SNX6: variants seen among roughly 807,000 people sequenced by gnomAD.
The protein encoded by SNX6 is sorting nexin 6.
In SNX6, 34 loss-of-function variants were observed where a neutral mutation model predicts 63.0. The ratio of observed to expected loss-of-function variants is 0.54; its 90% CI spans 0.41 to 0.72. The LOEUF is 0.72. SNX6 is among the 30% of genes least tolerant of loss of function. The pLI is 0.00. For missense variants in SNX6, 398 were observed against 471.4 expected (o/e 0.84, Z 1.44); for synonymous variants, 170 against 164.2 (o/e 1.04, Z -0.27).
intron 11 of SNX6, chr14:34,568,642 T>TC: frequency 1.3e-6 from 1 of 767,600 alleles, no homozygotes; most frequent in Non-Finnish European, 2.2e-6. Context: ...CTGTTTTTTT[T>TC]TTTTTTTTAA....
intron 13 of SNX6, among the ~76,000 whole-genome samples, chr14:34,565,908 C>T (rs766419140): frequency 3.3e-5 from 5 of 151,936 alleles, no homozygotes; most frequent in African/African-American, 1.2e-4. Context: ...CCAGGATGGC[C>T]TCGATCTCCT....
At chr14:34,606,453 C>CT (rs56390466) in intron 4 of SNX6, among the ~76,000 whole-genome samples, 111,941 of 141,622 alleles carry the variant, frequency 0.79, 44,228 homozygotes, top group Non-Finnish European at 0.84. Flanking sequence ...TCCAACTCTT[C>CT]TTTTTTTTTT....
At chr14:34,595,837 T>C (rs760407751) in intron 7 of SNX6, among the ~76,000 whole-genome samples, 2 of 152,212 alleles carry the variant, frequency 1.3e-5, no homozygotes, top group Non-Finnish European at 2.9e-5. Flanking sequence ...ATTTGCTTGA[T>C]AATATAAACA....
Position 34,603,486 on chromosome 14 carries a change from C to T in SNX6, c.393-15G>A. 1.3e-6 allele frequency: 2 copies of T among 1,557,434 alleles called. No homozygotes were observed. Among genetic ancestry groups the T allele is most frequent in the South Asian group, 2.5e-5 (2 of 80,484 alleles). ...CCAAATATTCACTAGAAACAATATA[C>T]AAAATTAAAGGTAAAAAACTCCATC... On this transcript the variant is annotated splice_polypyrimidine_tract_variant and intron_variant, in intron 5 of 13. Coordinates refer to ENST00000362031, the MANE Select transcript of SNX6 (RefSeq NM_152233.4).
At chr14:34,580,222 C>A (rs1881881350) in intron 10 of SNX6, among the ~76,000 whole-genome samples, 1 of 152,106 alleles carries the variant, frequency 6.6e-6, no homozygotes, top group Non-Finnish European at 1.5e-5. Flanking sequence ...AAACAAAAAA[C>A]CCAAATCTCA....
intron 5 of SNX6, 72 bp downstream of exon 5, chr14:34,605,524 T>C: frequency 7.4e-7 from 1 of 1,344,048 alleles, no homozygotes; most frequent in South Asian, 1.5e-5. Flanking sequence ...AAAAAAGGCA[T>C]TAAAGCAAGC....
chr14:34,570,178 C>T (rs1881380641), intron 11 of SNX6, among the ~76,000 whole-genome samples: 1 of 151,870 alleles, frequency 6.6e-6, no homozygotes, highest in South Asian at 2.1e-4. Context: ...AAGCAATTCT[C>T]CTGCCTCAGC....
At chr14:34,569,877 T>C (rs112866419) in intron 11 of SNX6, among the ~76,000 whole-genome samples, 1,578 of 152,294 alleles carry the variant, frequency 0.01, 29 homozygotes, top group African/African-American at 0.034. Flanking sequence ...TATGTGGACA[T>C]GGTTTCATTT....
intron 2 of SNX6, 22 bp downstream of exon 2, chr14:34,629,885 G>C (rs775410407): frequency 3.2e-6 from 5 of 1,554,304 alleles, no homozygotes; most frequent in African/African-American, 1.4e-5. Flanking sequence ...GGTCCCGCGA[G>C]CGAAAGGAAG....
rs1881247627 is a variant in SNX6 at position 34,567,667 on chromosome 14, A to G, written c.1167+19T>C. On this transcript the variant is annotated intron_variant, in intron 13 of 13. Coordinates refer to ENST00000362031, the MANE Select transcript of SNX6 (RefSeq NM_152233.4). The stretch of plus-strand genomic sequence containing the variant: ...TATTACATGTAACTTAAATTATTAA[A>G]TCTTTATTACAACACTACCTTTGCA... 1 of 1,585,010 alleles carries G rather than the reference A, an allele frequency of 6.3e-7. No individual in the cohort carries two copies. The highest frequency in any genetic ancestry group is 1.3e-5 in the African/African-American group (1 of 74,104).
chr14:34,625,830 C>T (rs547632458), intron 2 of SNX6, among the ~76,000 whole-genome samples: 2 of 152,254 alleles, frequency 1.3e-5, no homozygotes, highest in East Asian at 3.9e-4. Flanking sequence ...ACTGTGTATT[C>T]CCTACCCTAA....
intron 2 of SNX6, among the ~76,000 whole-genome samples, chr14:34,616,256 GAAT>G (rs1421041854): frequency 5.3e-5 from 8 of 151,906 alleles, no homozygotes. Flanking sequence ...GCCCAGCCAG[GAAT>G]GTCTTTCAAT....
At position 34,620,386 on chromosome 14, in the gene SNX6, G is replaced by A. The variant is rs142646740; in HGVS notation, c.54+9521C>T. Among the ~76,000 whole-genome samples, 670 of 152,102 alleles carry A rather than the reference G, an allele frequency of 4.4e-3. 5 individuals carry two copies. Among genetic ancestry groups the A allele is most frequent in the African/African-American group, 0.016 (649 of 41,504 alleles). On this transcript the variant is annotated intron_variant, in intron 2 of 13. Transcript: ENST00000362031. ...TCCCAGCTACTTGGGAAGCTGAGGT[G>A]GGAGGATCACTTGAGCCCCAGGAGG...
At chr14:34,582,700 G>C (rs745377947) in intron 9 of SNX6, among the ~76,000 whole-genome samples, 10 of 151,940 alleles carry the variant, frequency 6.6e-5, no homozygotes, top group East Asian at 1.9e-4. Context: ...TGCTCACCAA[G>C]CCTGGCTAAT....
At position 34,602,425 on chromosome 14, in the gene SNX6, TA is replaced by T. The variant is rs36102476; in HGVS notation, c.516+922del. On this transcript the variant is annotated intron_variant, in intron 6 of 13. Coordinates refer to ENST00000362031, the MANE Select transcript of SNX6 (RefSeq NM_152233.4). ...TTGGGAAACAAGAGCGAAACTGTCT[TA>T]AAAAAAAAAAAAAAATTAGCTGGGC... Among the ~76,000 whole-genome samples, 615 of 138,550 alleles carry T rather than the reference TA, an allele frequency of 4.4e-3. 3 individuals are homozygous for T. In the East Asian group the frequency reaches 0.054, roughly 12 times the overall value. 90.9% of individuals were successfully genotyped at this position (138,550 alleles called of 152,430 possible).
intron 13 of SNX6, among the ~76,000 whole-genome samples, chr14:34,565,724 C>G (rs1395897630): frequency 6.7e-6 from 1 of 148,496 alleles, no homozygotes; most frequent in Non-Finnish European, 1.5e-5. Flanking sequence ...GAGTCTCACT[C>G]TGTCTCCCAG....
intron 6 of SNX6, among the ~76,000 whole-genome samples, chr14:34,599,214 A>G (rs116548485): frequency 0.014 from 2,145 of 152,296 alleles, 55 homozygotes; most frequent in African/African-American, 0.049. Flanking sequence ...CTCTTTCCTT[A>G]ACTTTATATG....
At chr14:34,611,469 C>G (rs1373550876) in intron 2 of SNX6, among the ~76,000 whole-genome samples, 1 of 150,932 alleles carries the variant, frequency 6.6e-6, no homozygotes, top group South Asian at 2.1e-4. Context: ...AGAGCCAAAC[C>G]CTGTCTCAAA....
At chr14:34,593,721 G>A (rs191066071) in intron 7 of SNX6, among the ~76,000 whole-genome samples, 400 of 147,016 alleles carry the variant, frequency 2.7e-3, no homozygotes, top group African/African-American at 9.3e-3. Flanking sequence ...ACAGGCAAGC[G>A]CCACCACGCC....
Sources: gnomAD v4.1 joint callset for allele counts (sites outside exome capture counted in the v4.1 genomes callset) on GRCh38, gnomAD v4.1.1 for gene constraint, MANE v1.5 for transcripts, NCBI Gene and HGNC (gene_info 2026-07-23, HGNC 2026-07-21) for gene names.